The following VPS11 variants were observed in gnomAD, a reference collection of about 807,000 sequenced individuals.
VPS11 encodes vacuolar protein sorting-associated protein 11 homolog.
A neutral mutation model predicts 106.8 loss-of-function variants in VPS11; 51 were observed. The ratio of observed to expected loss-of-function variants is 0.48; its 90% CI spans 0.38 to 0.60. The LOEUF is 0.60. Among genes scored for constraint, VPS11 ranks in the 20% least tolerant of loss-of-function variants. The pLI, the probability that VPS11 is intolerant of heterozygous loss-of-function variation, is 0.00. For missense variants in VPS11, 950 were observed against 1,190.0 expected (o/e 0.80, Z 2.97); for synonymous variants, 453 against 458.7 (o/e 0.99, Z 0.16).
rs1202758663 is a variant in VPS11 at position 119,071,580 on chromosome 11, T to C, written c.637-16T>C. On this transcript the variant is annotated splice_polypyrimidine_tract_variant and intron_variant, in intron 4 of 15. Coordinates refer to ENST00000621676, the MANE Select transcript of VPS11 (RefSeq NM_021729.6). ...TCCTCAAAGGAGCCTGTTAACCCCT[T>C]TGTTGCTTCTGGCAGTCCTATATAG... 4 of 1,613,222 alleles carry C rather than the reference T, an allele frequency of 2.5e-6. No individual in the cohort carries two copies. Among genetic ancestry groups the C allele is most frequent in the Non-Finnish European group, 2.5e-6 (3 of 1,179,258 alleles).
chr11:119,073,017 G>T (rs1377813899), intron 5 of VPS11, 181 bp from the exon 6 acceptor site: 3 of 648,684 alleles, frequency 4.6e-6, no homozygotes, highest in Non-Finnish European at 7.9e-6. Flanking sequence ...TAAAGGGTAA[G>T]ATCAGGTTTA....
At chr11:119,076,441 G>A (rs974426043) in intron 7 of VPS11, among the ~76,000 whole-genome samples, 1 of 151,182 alleles carries the variant, frequency 6.6e-6, no homozygotes, top group Non-Finnish European at 1.5e-5. Flanking sequence ...CAGAAGAATC[G>A]CTTGATCCTG....
In VPS11 at chr11:119,070,277, C is replaced by T. The variant is rs782384435; in HGVS notation, c.516C>T (p.Thr172=). The T allele has an allele frequency of 6.2e-7, 1 of 1,612,926 alleles. No individual in the cohort carries two copies. The highest frequency in any genetic ancestry group is 8.5e-7 in the Non-Finnish European group (1 of 1,179,352). Residue 172 remains threonine, a synonymous_variant, in exon 4 of 16, where the codon ACC becomes ACT. Transcript: ENST00000621676. ...TTACATTGAACAAAGGAGACATCAC[C>T]CGGGACCGGCATAGCAAGACCCAGA... is the stretch of plus-strand genomic sequence containing the variant. ...GSVTLNKGDI[T]RDRHSKTQIL...
intron 4 of VPS11, among the ~76,000 whole-genome samples, chr11:119,071,190 A>G (rs992817995): frequency 3.3e-5 from 5 of 152,270 alleles, no homozygotes; most frequent in Admixed American, 3.3e-4. Flanking sequence ...TCAACCACCC[A>G]AAGTGCTGGA....
Position 119,078,816 on chromosome 11 carries a change from C to T in VPS11, c.2085C>T (p.Tyr695=). The T allele has an allele frequency of 6.2e-7, 1 of 1,613,692 alleles. No individual in the cohort carries two copies. Among genetic ancestry groups the T allele is most frequent in the Non-Finnish European group, 8.5e-7 (1 of 1,179,748 alleles). ...QGKLFQQIMH[Y]HMQHEQYRQV... ...GCAGGTTCCAGCAGATCATGCACTA[C>T]CACATGCAGCACGAGCAGTACCGGC... Residue 695 remains tyrosine (Y), a synonymous_variant, in exon 13 of 16, where the codon TAC becomes TAT. Transcript: ENST00000621676.
chr11:119,071,736 G>T lies in VPS11; in HGVS notation c.777G>T (p.Gln259His). 1 of 1,614,002 alleles carries T rather than the reference G, an allele frequency of 6.2e-7. No homozygotes were observed. The highest frequency in any genetic ancestry group is 8.5e-7 in the Non-Finnish European group (1 of 1,179,882). Residue 259 changes from glutamine to histidine, a missense_variant, in exon 5 of 16, where the codon CAG (glutamine) becomes CAT (histidine). This residue lies in a region of VPS11 where 435 missense variants were observed against 630.2 expected (regional missense o/e 0.69). Transcript: ENST00000621676. The stretch of plus-strand genomic sequence containing the variant: ...GGGATGAGTGTGTCTACTTGTACCA[G>T]CCTGATGAACGTGGGCCCTGCTTCG... ...VAGDECVYLY[Q>H]PDERGPCFAF...
chr11:119,075,721 G>A (rs376142631), intron 7 of VPS11, among the ~76,000 whole-genome samples: 3 of 150,956 alleles, frequency 2.0e-5, no homozygotes, highest in African/African-American at 7.3e-5. Context: ...GCATGGTGGC[G>A]GGCGCCTGTA....
In VPS11 at chr11:119,071,642, C is replaced by T. The variant is rs532897291; in HGVS notation, c.683C>T (p.Thr228Ile). 5 of 1,614,030 alleles carry T rather than the reference C, an allele frequency of 3.1e-6. No homozygotes were observed. Among genetic ancestry groups the T allele is most frequent in the East Asian group, 2.2e-5 (1 of 44,886 alleles). Residue 228 changes from threonine to isoleucine, a missense_variant, in exon 5 of 16, where the codon ACC becomes ATC. Physicochemically the swap from Thr to Ile is moderately conservative, Grantham distance 89. Transcript: ENST00000621676. ...GKDYPRVELD[T>I]HGCGLRCSAL... ...GACTACCCTCGCGTGGAGTTGGACACCCATGGTTGTGGCCTGCGCTGCTCA... is the reference window on the plus strand; with the variant it reads ...GACTACCCTCGCGTGGAGTTGGACATCCATGGTTGTGGCCTGCGCTGCTCA...
intron 7 of VPS11, among the ~76,000 whole-genome samples, chr11:119,074,333 G>A (rs1257785547): frequency 1.3e-5 from 2 of 152,090 alleles, no homozygotes; most frequent in African/African-American, 4.8e-5. Context: ...TGATCTGCCC[G>A]CTTCAGCCTC....
chr11:119,070,973 G>A (rs928348592), intron 4 of VPS11, among the ~76,000 whole-genome samples: 1 of 141,908 alleles, frequency 7.0e-6, no homozygotes, highest in African/African-American at 2.7e-5. Flanking sequence ...GTGTAACCCA[G>A]GCTAGAGTGC....
intron 7 of VPS11, among the ~76,000 whole-genome samples, chr11:119,074,530 A>G (rs908966539): frequency 2.6e-5 from 4 of 151,942 alleles, no homozygotes; most frequent in South Asian, 2.1e-4. Flanking sequence ...CAGCCTCCCA[A>G]GTAGCTGGGA....
chr11:119,076,030 A>C (rs1945602978), intron 7 of VPS11, among the ~76,000 whole-genome samples: 1 of 151,178 alleles, frequency 6.6e-6, no homozygotes, highest in African/African-American at 2.4e-5. Flanking sequence ...GATTGAGACC[A>C]TCCTGGCCAA....
chr11:119,070,486 G>A (rs1565737636), intron 4 of VPS11, 89 bp downstream of exon 4: 8 of 1,326,962 alleles, frequency 6.0e-6, no homozygotes, highest in East Asian at 2.5e-5. Flanking sequence ...CAGGAAAGGT[G>A]GGAGTGTTAA....
In VPS11 at chr11:119,078,077, A is replaced by T. The variant is rs782299183; in HGVS notation, c.1761+11A>T. Reference sequence around the variant, plus strand: ...GCCCCAGGCTGCAGGGTGAGGCTGCAGGGAAAAGAGCTTCAGACTGTGGGG... The same window carrying T: ...GCCCCAGGCTGCAGGGTGAGGCTGCTGGGAAAAGAGCTTCAGACTGTGGGG... On this transcript the variant is annotated intron_variant, in intron 10 of 15. Transcript: ENST00000621676. 2 of 1,609,912 alleles carry T rather than the reference A, an allele frequency of 1.2e-6. No individual in the cohort carries two copies. The highest frequency in any genetic ancestry group is 2.2e-5 in the South Asian group (2 of 91,080).
chr11:119,081,130 A>G lies in VPS11; in HGVS notation c.2477A>G (p.Asn826Ser). ...CAAAAGACCAAGTGCAGCATCTGTA[A>G]CAGTGCCTTGGAGTTGCCCTCAGTC... ...IFQKTKCSIC[N>S]SALELPSVHF... Residue 826 changes from asparagine (N) to serine (S), a missense_variant, in exon 15 of 16, where the codon AAC (asparagine) becomes AGC (serine). Around this residue, in one of 3 missense-constraint regions of VPS11, gnomAD observed 453 missense variants for 514.6 expected, o/e 0.88. Coordinates refer to ENST00000621676, the MANE Select transcript of VPS11 (RefSeq NM_021729.6). 1.2e-6 allele frequency: 2 copies of G among 1,614,038 alleles called. No individual in the cohort carries two copies. The highest frequency in any genetic ancestry group is 1.7e-6 in the Non-Finnish European group (2 of 1,179,908).
chr11:119,073,144 G>A, intron 5 of VPS11, 54 bp from the exon 6 acceptor site: 1 of 1,557,022 alleles, frequency 6.4e-7, no homozygotes, highest in Non-Finnish European at 8.7e-7. Context: ...AAAGGAAATA[G>A]GGGAGATAAG....
chr11:119,079,623 T>G (rs1945773411), intron 14 of VPS11, among the ~76,000 whole-genome samples: 1 of 152,178 alleles, frequency 6.6e-6, no homozygotes, highest in Non-Finnish European at 1.5e-5. Flanking sequence ...TCACTGAGGC[T>G]GGAGTGGAGG....
In VPS11 at chr11:119,070,231, C is replaced by T; in HGVS notation, c.473-3C>T. 6.2e-7 allele frequency: 1 copy of T among 1,606,136 alleles called. No individual in the cohort carries two copies. The highest frequency in any genetic ancestry group is 8.5e-7 in the Non-Finnish European group (1 of 1,175,142). On this transcript the variant is annotated splice_region_variant and splice_polypyrimidine_tract_variant and intron_variant, in intron 3 of 15. Coordinates refer to ENST00000621676, the MANE Select transcript of VPS11 (RefSeq NM_021729.6). ...CTGAAGTAATTTTCTTGTTTTCTTA[C>T]AGGTTTCACAGATGGCAGTGTTACA...
Position 119,081,511 on chromosome 11 carries a change from G to T in VPS11, c.2714G>T (p.Gly905Val). 2 of 1,614,032 alleles carry T rather than the reference G, an allele frequency of 1.2e-6. No homozygotes were observed. The highest frequency in any genetic ancestry group is 1.1e-5 in the South Asian group (1 of 91,090). ...FSVIADYFGRGVFNKLTLLTD... is the reference protein window; with the variant it reads ...FSVIADYFGRVVFNKLTLLTD... ...GTGATTGCTGACTACTTTGGCAGAG[G>T]TGTTTTCAACAAATTGACTCTGCTG... Residue 905 changes from glycine (G) to valine (V), a missense_variant, in exon 16 of 16, where the codon GGT (glycine) becomes GTT (valine). Physicochemically the swap from Gly to Val is moderately radical, Grantham distance 109. This residue lies in a region of VPS11 where 453 missense variants were observed against 514.6 expected (regional missense o/e 0.88). Transcript: ENST00000621676.
Sources: gnomAD v4.1 joint callset for allele counts (sites outside exome capture counted in the v4.1 genomes callset) on GRCh38, gnomAD v4.1.1 for gene constraint, gnomAD v4.1.1 regional missense constraint, MANE v1.5 for transcripts, NCBI Gene and HGNC (gene_info 2026-07-23, HGNC 2026-07-21) for gene names.